The following DTNB variants were observed in gnomAD, a reference collection of about 807,000 sequenced individuals.
The protein encoded by DTNB is dystrobrevin beta.
A neutral mutation model predicts 90.7 loss-of-function variants in DTNB; 63 were observed. That is an observed-to-expected ratio of 0.69 (90% CI 0.57 to 0.86). The LOEUF (loss-of-function observed/expected upper bound fraction) is 0.86. Ranked by LOEUF, DTNB falls within the 40% of genes least tolerant of loss-of-function variation. DTNB has a pLI of 0.00. For missense variants in DTNB, 744 were observed against 807.1 expected, an observed-to-expected ratio of 0.92 and a Z score of 0.95; for synonymous variants, 277 against 286.7, an observed-to-expected ratio of 0.97 and a Z score of 0.34.
intron 4 of DTNB, among the ~76,000 whole-genome samples, chr2:25,615,550 C>T (rs911326016): frequency 3.9e-5 from 6 of 152,056 alleles, no homozygotes; most frequent in Non-Finnish European, 8.8e-5. Context: ...TAAAGAACTG[C>T]GGTCAAAGTC....
intron 6 of DTNB, among the ~76,000 whole-genome samples, chr2:25,581,880 A>G (rs2061600366): frequency 6.6e-6 from 1 of 152,166 alleles, no homozygotes; most frequent in Non-Finnish European, 1.5e-5. Context: ...CAGGGCACAC[A>G]CTCAGGAGGT....
chr2:25,428,171 T>TCTTGTCTCTGTCTCTTTTTTTTTC (rs1382561043), intron 14 of DTNB, among the ~76,000 whole-genome samples: 1 of 152,162 alleles, frequency 6.6e-6, no homozygotes, highest in Non-Finnish European at 1.5e-5. Context: ...TAAATGGTTT[T>TCTTGTCTCTGTCTCTTTTTTTTTC]CTTGTCTCTG....
chr2:25,520,314 G>C (rs1165259435), intron 9 of DTNB, among the ~76,000 whole-genome samples: 4 of 152,206 alleles, frequency 2.6e-5, no homozygotes, highest in Non-Finnish European at 5.9e-5. Flanking sequence ...GGAAGTTGCA[G>C]TGAGCCGAGA....
intron 4 of DTNB, among the ~76,000 whole-genome samples, chr2:25,615,296 C>T (rs1220726683): frequency 6.6e-6 from 1 of 152,120 alleles, no homozygotes; most frequent in Non-Finnish European, 1.5e-5. Context: ...AAACCTAGTC[C>T]TTTTGGGTTT....
intron 8 of DTNB, among the ~76,000 whole-genome samples, chr2:25,542,209 G>C (rs1396614063): frequency 6.6e-6 from 1 of 152,044 alleles, no homozygotes; most frequent in Admixed American, 6.6e-5. Flanking sequence ...CCACCTCCTG[G>C]GTTCAACCAG....
intron 8 of DTNB, among the ~76,000 whole-genome samples, chr2:25,541,933 G>T (rs551741125): frequency 1.3e-5 from 2 of 152,246 alleles, no homozygotes; most frequent in East Asian, 3.9e-4. Context: ...AATAAAAGTG[G>T]AGATAACAAG....
At chr2:25,634,314 GC>G (rs1395004921) in intron 3 of DTNB, among the ~76,000 whole-genome samples, 1,132 of 107,360 alleles carry the variant, frequency 0.011, 54 homozygotes, top group African/African-American at 0.039. Context: ...CCGGCCAGCC[GC>G]CCCGTCCGGG....
chr2:25,386,154 G>A (rs147492668), intron 18 of DTNB: 82 of 975,528 alleles, frequency 8.4e-5, no homozygotes, highest in Middle Eastern at 5.3e-4. Context: ...GAGAGGCAGC[G>A]TCTGACCTTA....
intron 13 of DTNB, 108 bp downstream of exon 13, chr2:25,433,802 G>C (rs1201153170): frequency 7.9e-6 from 10 of 1,270,928 alleles, no homozygotes; most frequent in Non-Finnish European, 1.1e-5. Flanking sequence ...ACTGAGGCAA[G>C]GTCTTCCTTG....
chr2:25,466,756 T>C (rs1444850435), intron 10 of DTNB, among the ~76,000 whole-genome samples: 2 of 152,230 alleles, frequency 1.3e-5, no homozygotes, highest in Non-Finnish European at 2.9e-5. Flanking sequence ...TTTTTATATA[T>C]GTAACGTAGG....
chr2:25,489,089 T>G (rs1341901057), intron 9 of DTNB, among the ~76,000 whole-genome samples: 1 of 152,202 alleles, frequency 6.6e-6, no homozygotes, highest in Non-Finnish European at 1.5e-5. Context: ...AAAGCACAAA[T>G]TGAGCTTACT....
chr2:25,394,845 T>C (rs973975745), intron 16 of DTNB, among the ~76,000 whole-genome samples: 2 of 152,234 alleles, frequency 1.3e-5, no homozygotes, highest in Non-Finnish European at 2.9e-5. Flanking sequence ...GAACTAAAAG[T>C]AGATCTACTG....
chr2:25,480,234 T>C (rs1205820162), intron 10 of DTNB, among the ~76,000 whole-genome samples: 1 of 152,160 alleles, frequency 6.6e-6, no homozygotes, highest in Non-Finnish European at 1.5e-5. Context: ...ACTCAAGTAA[T>C]TGTGCTTCTT....
intron 5 of DTNB, 143 bp downstream of exon 5, chr2:25,607,093 C>G: frequency 1.3e-6 from 1 of 782,348 alleles, no homozygotes; most frequent in Non-Finnish European, 2.0e-6. Flanking sequence ...CATAACTCAC[C>G]TACTGTGAGC....
At chr2:25,527,052 T>C (rs1183054386) in intron 9 of DTNB, among the ~76,000 whole-genome samples, 1 of 152,018 alleles carries the variant, frequency 6.6e-6, no homozygotes, top group South Asian at 2.1e-4. Context: ...CAAAGAAGAA[T>C]CCTAACATAA....
chr2:25,445,162 G>A (rs1490142726), intron 12 of DTNB, among the ~76,000 whole-genome samples: 1 of 152,016 alleles, frequency 6.6e-6, no homozygotes, highest in Non-Finnish European at 1.5e-5. Flanking sequence ...ACTATATAAC[G>A]GCATAAAATA....
At chr2:25,635,405 C>T (rs1051330933) in intron 3 of DTNB, among the ~76,000 whole-genome samples, 2 of 151,834 alleles carry the variant, frequency 1.3e-5, no homozygotes, top group African/African-American at 2.4e-5. Context: ...CCAGCCTGAG[C>T]GATAGAGCGA....
intron 9 of DTNB, among the ~76,000 whole-genome samples, chr2:25,503,569 T>C (rs1003464581): frequency 2.6e-5 from 4 of 152,118 alleles, no homozygotes; most frequent in Non-Finnish European, 5.9e-5. Context: ...ACAAGATCAA[T>C]ATTACAAAAT....
At chr2:25,439,641 G>A (rs144087021) in intron 12 of DTNB, among the ~76,000 whole-genome samples, 61 of 152,248 alleles carry the variant, frequency 4.0e-4, no homozygotes, top group African/African-American at 1.4e-3. Flanking sequence ...AGAATTTAGT[G>A]TAGTAGGAGA....
Sources: gnomAD v4.1 joint callset for allele counts (sites outside exome capture counted in the v4.1 genomes callset) on GRCh38, gnomAD v4.1.1 for gene constraint, MANE v1.5 for transcripts, NCBI Gene and HGNC (gene_info 2026-07-23, HGNC 2026-07-21) for gene names.